DAB2IP: variants seen among roughly 807,000 people sequenced by gnomAD.
DAB2IP encodes the protein disabled homolog 2-interacting protein.
A neutral mutation model predicts 107.2 loss-of-function variants in DAB2IP; 28 were observed. The observed-to-expected ratio is 0.26, with a 90% CI of 0.19 to 0.36. The LOEUF (loss-of-function observed/expected upper bound fraction) is 0.36. DAB2IP is among the 10% of genes least tolerant of loss of function. The probability of loss-of-function intolerance (pLI) is 1.00; values close to 1 mark genes in which losing one functional copy is unlikely to be tolerated. For synonymous variants in DAB2IP, 755 were observed against 706.4 expected (o/e 1.07, Z -1.09); for missense variants, 1,400 against 1,644.7 (o/e 0.85, Z 2.57).
intron 1 of DAB2IP, among the ~76,000 whole-genome samples, chr9:121,574,424 T>C (rs1395297002): frequency 6.6e-6 from 1 of 152,144 alleles, no homozygotes; most frequent in Non-Finnish European, 1.5e-5. Context: ...TAGACCAGGC[T>C]GCCTGGGCCT....
intron 14 of DAB2IP, among the ~76,000 whole-genome samples, chr9:121,780,368 C>A (rs1183391047): frequency 6.6e-6 from 1 of 152,204 alleles, no homozygotes; most frequent in African/African-American, 2.4e-5. Context: ...CCAGTTAGTG[C>A]TCCCTGAACT....
chr9:121,590,084 G>C (rs1830395882), intron 1 of DAB2IP, among the ~76,000 whole-genome samples: 1 of 151,656 alleles, frequency 6.6e-6, no homozygotes, highest in Non-Finnish European at 1.5e-5. Context: ...GTCTTCCCTG[G>C]AAACAGCTGT....
Position 121,702,579 on chromosome 9 carries a change from A to G in DAB2IP, c.362+3121A>G, listed in dbSNP as rs552881581. Among the ~76,000 whole-genome samples, 4 of 152,342 alleles carry G rather than the reference A, an allele frequency of 2.6e-5. No individual in the cohort carries two copies. The highest frequency in any genetic ancestry group is 2.1e-4 in the South Asian group (1 of 4,822). On this transcript the variant is annotated intron_variant, in intron 3 of 15. Coordinates refer to ENST00000408936, the Ensembl canonical transcript of DAB2IP. This position sits in a 1 kb window ranked among gnomAD's most constrained non-coding sequence, Gnocchi z 4.5. ...ATCATTTCTCCTGGGTAACAAACACATGCTGCTTGGAGCGCTTTCCAGGTG... is the reference window on the plus strand; with the variant it reads ...ATCATTTCTCCTGGGTAACAAACACGTGCTGCTTGGAGCGCTTTCCAGGTG...
At chr9:121,656,773 A>G (rs1162107093) in intron 1 of DAB2IP, among the ~76,000 whole-genome samples, 4 of 152,212 alleles carry the variant, frequency 2.6e-5, no homozygotes, top group Admixed American at 1.3e-4. Flanking sequence ...GGATACTGAT[A>G]CTATCCTCAT....
At chr9:121,597,621 C>G (rs1396856030) in intron 1 of DAB2IP, among the ~76,000 whole-genome samples, 2 of 152,186 alleles carry the variant, frequency 1.3e-5, no homozygotes, top group Non-Finnish European at 2.9e-5. Context: ...TTTACATGAA[C>G]ATCTACATAA....
At chr9:121,604,844 C>T (rs968476224) in intron 1 of DAB2IP, among the ~76,000 whole-genome samples, 1 of 152,188 alleles carries the variant, frequency 6.6e-6, no homozygotes, top group South Asian at 2.1e-4. Context: ...AGCTTTGAAT[C>T]AGGCATGATT....
intron 13 of DAB2IP, 49 bp downstream of exon 13, chr9:121,774,461 C>CAGCAGCTGGT (rs756029087): frequency 1.3e-6 from 2 of 1,529,372 alleles, no homozygotes; most frequent in Non-Finnish European, 1.8e-6. Flanking sequence ...TGCCTCCCGG[C>CAGCAGCTGGT]AGCAGCTGGT....
At position 121,634,137 on chromosome 9, in the gene DAB2IP, C is replaced by T. The variant is rs1016330641; in HGVS notation, c.41-44541C>T. Among the ~76,000 whole-genome samples the T allele has an allele frequency of 9.8e-5, 15 of 152,302 alleles. No individual in the cohort carries two copies. The highest frequency in any genetic ancestry group is 9.8e-4 in the Admixed American group (15 of 15,304). On this transcript the variant is annotated intron_variant, in intron 1 of 16. Transcript: ENST00000259371. The surrounding 1 kb of genome is among the most constrained non-coding windows in gnomAD (Gnocchi z 4.7). Reference sequence around the variant, plus strand: ...AAAGGGACACAGTTCTTGAAGGGTCCTCCAGAGACCATGCCATGACTTGCA... The same window carrying T: ...AAAGGGACACAGTTCTTGAAGGGTCTTCCAGAGACCATGCCATGACTTGCA...
intron 3 of DAB2IP, among the ~76,000 whole-genome samples, chr9:121,711,130 G>T (rs145580560): frequency 6.6e-6 from 1 of 152,200 alleles, no homozygotes; most frequent in Non-Finnish European, 1.5e-5. Context: ...CACTTGAAAG[G>T]CCTTGTTGTC....
intron 1 of DAB2IP, among the ~76,000 whole-genome samples, chr9:121,641,896 T>C (rs891818129): frequency 3.0e-5 from 2 of 66,778 alleles, no homozygotes; most frequent in East Asian, 4.6e-4. Flanking sequence ...TCTTTCCCTT[T>C]CTTTCTTTCT....
At chr9:121,654,775 AC>A (rs369612021) in intron 1 of DAB2IP, among the ~76,000 whole-genome samples, 56 of 152,244 alleles carry the variant, frequency 3.7e-4, no homozygotes, top group African/African-American at 1.3e-3. Context: ...GTAGCATCGG[AC>A]CTCAGAGGAG....
At chr9:121,766,564 G>A in exon 9 of DAB2IP, 1 of 1,613,594 alleles carries the variant, frequency 6.2e-7, no homozygotes, top group East Asian at 2.2e-5. Flanking sequence ...CGGCCGCCCG[G>A]ACATCAGTGA....
chr9:121,600,819 C>T (rs543659750), intron 1 of DAB2IP, among the ~76,000 whole-genome samples: 49 of 152,282 alleles, frequency 3.2e-4, no homozygotes, highest in Non-Finnish European at 6.8e-4. Context: ...TCAAGGGTCC[C>T]GTCCAAGGGG....
chr9:121,778,336 A>G (rs559259858), intron 14 of DAB2IP, among the ~76,000 whole-genome samples: 2 of 152,338 alleles, frequency 1.3e-5, no homozygotes, highest in East Asian at 3.9e-4. Context: ...TGAATTTAGA[A>G]GGTGACACAA....
In DAB2IP at chr9:121,624,757, G is replaced by A. The variant is rs187484663; in HGVS notation, c.41-53921G>A. ...ATGATGTTCACACAACAACAAAATCGCCTAATGATGCATTTCTCAGGACAT... is the reference window on the plus strand; with the variant it reads ...ATGATGTTCACACAACAACAAAATCACCTAATGATGCATTTCTCAGGACAT... On this transcript the variant is annotated intron_variant, in intron 1 of 16. Transcript: ENST00000259371. Among the ~76,000 whole-genome samples, 425 of 152,242 alleles carry A rather than the reference G, an allele frequency of 2.8e-3. 5 individuals carry two copies. Among genetic ancestry groups the A allele is most frequent in the African/African-American group, 9.3e-3 (386 of 41,534 alleles).
chr9:121,582,455 G>C (rs1830220132), intron 1 of DAB2IP, among the ~76,000 whole-genome samples: 1 of 152,220 alleles, frequency 6.6e-6, no homozygotes, highest in African/African-American at 2.4e-5. Flanking sequence ...CATTTTCACT[G>C]TCTCCTCACT....
chr9:121,718,834 T>C (rs1044652400), intron 3 of DAB2IP, among the ~76,000 whole-genome samples: 1 of 152,216 alleles, frequency 6.6e-6, no homozygotes, highest in Non-Finnish European at 1.5e-5. Context: ...ATTCCTACTT[T>C]GATCATACCT....
chr9:121,765,721 A>G (rs562969033), intron 8 of DAB2IP, among the ~76,000 whole-genome samples: 38 of 152,322 alleles, frequency 2.5e-4, no homozygotes, highest in South Asian at 6.2e-4. Context: ...TGGGAGATGC[A>G]TCTTTTAGGG....
chr9:121,659,935 C>T (rs1015606686), intron 1 of DAB2IP, among the ~76,000 whole-genome samples: 6 of 152,120 alleles, frequency 3.9e-5, no homozygotes, highest in African/African-American at 1.4e-4. Context: ...AGAGCTTTAG[C>T]GAGCCACCTA....
Sources: gnomAD v4.1 joint callset for allele counts (sites outside exome capture counted in the v4.1 genomes callset) on GRCh38, gnomAD v4.1.1 for gene constraint, Gnocchi (gnomAD v3.1) non-coding constraint, MANE v1.5 for transcripts, NCBI Gene and HGNC (gene_info 2026-07-23, HGNC 2026-07-21) for gene names.